Variants in SVIL observed in about 807,000 individuals in gnomAD.
SVIL encodes the protein archvillin.
SVIL carries 101 observed loss-of-function variants against 240.4 expected under a neutral mutation model. The observed-to-expected ratio is 0.42, with a 90% CI of 0.36 to 0.50. The LOEUF (loss-of-function observed/expected upper bound fraction) is 0.50, where lower values mean the gene tolerates loss of function less well. Ranked by LOEUF, SVIL falls within the 20% of genes least tolerant of loss-of-function variation. The pLI is 0.01. For synonymous variants in SVIL, 999 were observed against 1,100.0 expected (o/e 0.91, Z 1.82); for missense variants, 2,512 against 2,818.7 (o/e 0.89, Z 2.46).
chr10:29,693,936 C>CAT lies in SVIL; in HGVS notation c.-399-7287_-399-7286dup, dbSNP rs200758070. Among the ~76,000 whole-genome samples the CAT allele has an allele frequency of 9.4e-5, 14 of 148,790 alleles. No homozygotes were observed. In the East Asian group the frequency reaches 1.7e-3, roughly 19 times the overall value. On this transcript the variant is annotated intron_variant, in intron 1 of 35. Coordinates refer to the SVIL transcript ENST00000375400. ...AGTTATTGAGATAGATAGATAGATA[C>CAT]ATATATACATACATACATACATACA...
chr10:29,620,166 A>G (rs1378587825), intron 1 of SVIL, among the ~76,000 whole-genome samples: 1 of 152,188 alleles, frequency 6.6e-6, no homozygotes, highest in African/African-American at 2.4e-5. Flanking sequence ...CATTGCACAC[A>G]TTAAAATCAG....
intron 1 of SVIL, among the ~76,000 whole-genome samples, chr10:29,595,952 G>C (rs1257946728): frequency 6.6e-6 from 1 of 152,218 alleles, no homozygotes; most frequent in Non-Finnish European, 1.5e-5. Flanking sequence ...TGTTTCTGCA[G>C]GGCGAGCTTA....
intron 1 of SVIL, among the ~76,000 whole-genome samples, chr10:29,714,948 T>TAAAAAAAAAAAAAAAAAAAAAAAA (rs61107910): frequency 3.8e-5 from 3 of 78,448 alleles, no homozygotes; most frequent in African/African-American, 9.4e-5. Flanking sequence ...TGTCTGAAAT[T>TAAAAAAAAAAAAAAAAAAAAAAAA]AAAAAAAAAA....
chr10:29,565,395 A>G (rs992728468), intron 2 of SVIL, among the ~76,000 whole-genome samples: 7 of 152,238 alleles, frequency 4.6e-5, no homozygotes, highest in African/African-American at 1.7e-4. Flanking sequence ...TTTTGATGGC[A>G]GGTCAGAAAC....
At chr10:29,710,949 T>C (rs1963231380) in intron 1 of SVIL, among the ~76,000 whole-genome samples, 1 of 152,156 alleles carries the variant, frequency 6.6e-6, no homozygotes, top group Non-Finnish European at 1.5e-5. Flanking sequence ...CATGAGGACA[T>C]CAGTGAGTGG....
Position 29,467,634 on chromosome 10 carries a change from A to C in SVIL, c.5977+108T>G, listed in dbSNP as rs1945075218. 2.8e-6 allele frequency: 4 copies of C among 1,426,200 alleles called. No homozygotes were observed. The African/African-American group carries it at 4.2e-5, about 15-fold the overall frequency. The allele number at this position is 1,426,200 out of a possible 1,614,324, so 88.3% of individuals were successfully genotyped here. On this transcript the variant is annotated intron_variant, in intron 33 of 37. Coordinates refer to ENST00000355867, the MANE Select transcript of SVIL (RefSeq NM_021738.3). ...CTTGAGCCCAGGAGGTTGAAGCTGC[A>C]GTGAGCTGTGATCATACCACTATAC...
intron 1 of SVIL, among the ~76,000 whole-genome samples, chr10:29,723,377 C>T (rs961585703): frequency 3.9e-5 from 6 of 152,154 alleles, no homozygotes; most frequent in Non-Finnish European, 8.8e-5. Context: ...GAGATCCTGT[C>T]TCAAAAACAT....
intron 2 of SVIL, among the ~76,000 whole-genome samples, chr10:29,663,846 T>C (rs904159431): frequency 2.6e-5 from 4 of 152,196 alleles, no homozygotes; most frequent in African/African-American, 9.7e-5. Flanking sequence ...CGGTGAGTGC[T>C]GCTGGCAATC....
chr10:29,654,838 A>G (rs1297642369), intron 3 of SVIL, among the ~76,000 whole-genome samples: 1 of 152,222 alleles, frequency 6.6e-6, no homozygotes. Flanking sequence ...GCCAGAGTCC[A>G]AAGGACAGAG....
At chr10:29,468,213 TA>T (rs1945147304) in intron 32 of SVIL, among the ~76,000 whole-genome samples, 1 of 152,226 alleles carries the variant, frequency 6.6e-6, no homozygotes, top group South Asian at 2.1e-4. Flanking sequence ...CAGATGGAAT[TA>T]TATAATATAT....
At chr10:29,720,279 C>A (rs1351695032) in intron 1 of SVIL, among the ~76,000 whole-genome samples, 1 of 152,136 alleles carries the variant, frequency 6.6e-6, no homozygotes, top group African/African-American at 2.4e-5. Flanking sequence ...AGAATGATAG[C>A]AGATTTTATG....
chr10:29,509,228 C>A (rs1949601093), intron 17 of SVIL, among the ~76,000 whole-genome samples: 1 of 150,690 alleles, frequency 6.6e-6, no homozygotes, highest in Admixed American at 6.6e-5. Flanking sequence ...GTCAGGTTAG[C>A]CTGGCCTAGA....
intron 3 of SVIL, among the ~76,000 whole-genome samples, chr10:29,557,286 CG>C (rs5784143): frequency 0.3 from 45,993 of 151,834 alleles, 7,231 homozygotes; most frequent in African/African-American, 0.39. Context: ...TTTGTGGAGA[CG>C]GGGTTTCGCT....
intron 1 of SVIL, 31 bp from the exon 2 acceptor site, chr10:29,569,343 A>T: frequency 1.0e-6 from 1 of 957,896 alleles, no homozygotes; most frequent in Non-Finnish European, 1.2e-6. Flanking sequence ...TAACATTGAA[A>T]TAGTTATGCA....
chr10:29,625,708 C>A (rs180806844), intron 1 of SVIL, among the ~76,000 whole-genome samples: 43 of 152,258 alleles, frequency 2.8e-4, no homozygotes, highest in African/African-American at 9.9e-4. Flanking sequence ...GTGATCCACC[C>A]GCCTTGGCCT....
chr10:29,535,859 C>G, intron 7 of SVIL, 130 bp downstream of exon 7: 1 of 871,664 alleles, frequency 1.1e-6, no homozygotes. Flanking sequence ...TAGAAAGTAA[C>G]TTCCACGTGA....
intron 30 of SVIL, 41 bp downstream of exon 30, chr10:29,473,797 C>T: frequency 1.2e-6 from 2 of 1,610,916 alleles, no homozygotes; most frequent in South Asian, 1.1e-5. Flanking sequence ...GGAGAGGATG[C>T]TCCTCTCAGT....
At chr10:29,459,290 T>A (rs55803632) in intron 36 of SVIL, among the ~76,000 whole-genome samples, 16 of 152,204 alleles carry the variant, frequency 1.1e-4, no homozygotes, top group African/African-American at 2.2e-4. Flanking sequence ...ATTTAAAAAA[T>A]TTTTTTGTAG....
intron 2 of SVIL, among the ~76,000 whole-genome samples, chr10:29,680,158 C>T (rs1960525936): frequency 6.6e-6 from 1 of 152,176 alleles, no homozygotes; most frequent in African/African-American, 2.4e-5. Context: ...GCATTCCAGC[C>T]TGGGTGACAG....
Sources: gnomAD v4.1 joint callset for allele counts (sites outside exome capture counted in the v4.1 genomes callset) on GRCh38, gnomAD v4.1.1 for gene constraint, MANE v1.5 for transcripts, NCBI Gene and HGNC (gene_info 2026-07-23, HGNC 2026-07-21) for gene names.